ABHD17B: variants seen among roughly 807,000 people sequenced by gnomAD.
The protein encoded by ABHD17B is abhydrolase domain containing 17B, depalmitoylase.
A neutral mutation model predicts 26.2 loss-of-function variants in ABHD17B; 9 were observed. The ratio of observed to expected loss-of-function variants is 0.34; its 90% CI spans 0.21 to 0.60. The LOEUF is 0.60. Ranked by LOEUF, ABHD17B falls within the 20% of genes least tolerant of loss-of-function variation. The pLI is 0.80. For missense variants in ABHD17B, 224 were observed against 352.1 expected (o/e 0.64, Z 2.91); for synonymous variants, 127 against 122.3 (o/e 1.04, Z -0.25).
At chr9:71,890,682 A>T (rs898968535) in intron 1 of ABHD17B, among the ~76,000 whole-genome samples, 14 of 152,166 alleles carry the variant, frequency 9.2e-5, no homozygotes, top group Non-Finnish European at 1.9e-4. Flanking sequence ...CATTCTTGAT[A>T]CTCAATTACA....
intron 1 of ABHD17B, among the ~76,000 whole-genome samples, chr9:71,880,563 A>G (rs1826410155): frequency 6.6e-6 from 1 of 152,152 alleles, no homozygotes; most frequent in Non-Finnish European, 1.5e-5. Context: ...GAAAACCAAA[A>G]GAATCTAGAA....
chr9:71,905,750 C>T (rs1040482946), intron 1 of ABHD17B, among the ~76,000 whole-genome samples: 2 of 152,116 alleles, frequency 1.3e-5, no homozygotes, highest in South Asian at 2.1e-4. Flanking sequence ...TCAGATTGGG[C>T]GCAGTGGCTC....
downstream of ABHD17B, among the ~76,000 whole-genome samples, chr9:71,864,727 ATACCT>A (rs1825908182): frequency 6.6e-6 from 1 of 152,102 alleles, no homozygotes; most frequent in African/African-American, 2.4e-5. Context: ...ACCTGTTACA[ATACCT>A]TACAAATCTC....
chr9:71,904,998 A>G (rs541123505), intron 1 of ABHD17B, among the ~76,000 whole-genome samples: 2 of 152,232 alleles, frequency 1.3e-5, no homozygotes, highest in Non-Finnish European at 2.9e-5. Flanking sequence ...AAGAATTTTT[A>G]TAACCCCAGT....
At chr9:71,908,902 T>C (rs1171954090) in intron 1 of ABHD17B, among the ~76,000 whole-genome samples, 1 of 152,212 alleles carries the variant, frequency 6.6e-6, no homozygotes, top group Non-Finnish European at 1.5e-5. Context: ...TGGAGAAAAC[T>C]GACTCAGATG....
intron 3 of ABHD17B, among the ~76,000 whole-genome samples, chr9:71,868,913 T>G (rs1014862260): frequency 6.6e-6 from 1 of 152,162 alleles, no homozygotes; most frequent in Non-Finnish European, 1.5e-5. Context: ...GGTCTCGAAC[T>G]CTTGGCCTCA....
Position 71,910,776 on chromosome 9 carries a change from A to G in ABHD17B, c.-146T>C, listed in dbSNP as rs1827444317. On this transcript the variant is annotated 5_prime_UTR_variant, in exon 1 of 4. Transcript: ENST00000333421. ...CGCCTGCAGACTGGCCCGACAGAGG[A>G]GCGGGGACCAGGGCTACAGCCCCCG... 1 of 151,752 alleles carries G rather than the reference A, an allele frequency of 6.6e-6. No individual in the cohort carries two copies. The highest frequency in any genetic ancestry group is 6.6e-5 in the Admixed American group (1 of 15,260). The allele number at this position is 151,752 out of a possible 1,614,324, so 9.4% of individuals were successfully genotyped here.
chr9:71,867,091 C>A, intron 3 of ABHD17B, 85 bp from the exon 4 acceptor site: 2 of 1,443,378 alleles, frequency 1.4e-6, no homozygotes, highest in Non-Finnish European at 1.9e-6. Context: ...ACAGATAATT[C>A]AAATATGAGA....
chr9:71,895,068 T>C (rs1826915453), intron 1 of ABHD17B, among the ~76,000 whole-genome samples: 2 of 152,228 alleles, frequency 1.3e-5, no homozygotes, highest in South Asian at 4.1e-4. Context: ...AGTATTATTA[T>C]TGACTGGCAA....
chr9:71,869,995 G>T, intron 3 of ABHD17B, 88 bp downstream of exon 3: 4 of 1,202,890 alleles, frequency 3.3e-6, no homozygotes, highest in Admixed American at 2.4e-5. Context: ...GAAGTTTATG[G>T]TTGAGTGAAC....
intron 1 of ABHD17B, among the ~76,000 whole-genome samples, chr9:71,894,525 A>G (rs1826898699): frequency 6.6e-6 from 1 of 152,168 alleles, no homozygotes; most frequent in African/African-American, 2.4e-5. Context: ...AATTTTTAGA[A>G]GTTTTATCTT....
intron 1 of ABHD17B, among the ~76,000 whole-genome samples, chr9:71,907,506 T>C (rs1271291760): frequency 6.6e-6 from 1 of 152,008 alleles, no homozygotes; most frequent in Non-Finnish European, 1.5e-5. Flanking sequence ...TAAGGAAACC[T>C]CGTTTTTTGT....
At chr9:71,898,469 TA>T (rs1302487869) in intron 1 of ABHD17B, among the ~76,000 whole-genome samples, 1,807 of 104,996 alleles carry the variant, frequency 0.017, 20 homozygotes, top group African/African-American at 0.041. Flanking sequence ...CCATCTCTAC[TA>T]AAAAAAAAAA....
chr9:71,903,515 A>G (rs57714671), intron 1 of ABHD17B, among the ~76,000 whole-genome samples: 2,056 of 152,330 alleles, frequency 0.013, 33 homozygotes, highest in African/African-American at 0.035. Context: ...CAACTGCAAG[A>G]TGATACATAT....
At position 71,867,103 on chromosome 9, in the gene ABHD17B, T is replaced by C; in HGVS notation, c.648-97A>G. ...CAGACAGATAATTCAAATATGAGAA[T>C]TGTATGAATCAGTTCAGAAGGTAAG... is the stretch of plus-strand genomic sequence containing the variant. On this transcript the variant is annotated intron_variant, in intron 3 of 3. Transcript: ENST00000333421. The C allele has an allele frequency of 3.5e-6, 5 of 1,412,360 alleles. No individual in the cohort carries two copies. In the South Asian group the frequency reaches 3.9e-5, roughly 11 times the overall value. The allele number at this position is 1,412,360 out of a possible 1,614,324, so 87.5% of individuals were successfully genotyped here. A position where few individuals can be genotyped will look rare whatever the true frequency, so the allele number is the denominator to read the frequency against.
chr9:71,882,926 A>G (rs1056059963), intron 1 of ABHD17B, among the ~76,000 whole-genome samples: 4 of 152,024 alleles, frequency 2.6e-5, no homozygotes, highest in Admixed American at 2.0e-4. Context: ...TGGGCAGAAC[A>G]CGAGGTCAGG....
intron 1 of ABHD17B, among the ~76,000 whole-genome samples, chr9:71,895,126 T>C (rs1231531030): frequency 1.3e-5 from 2 of 152,246 alleles, no homozygotes; most frequent in African/African-American, 4.8e-5. Context: ...AAAGCCAGGC[T>C]AGTGTTAATT....
intron 1 of ABHD17B, among the ~76,000 whole-genome samples, chr9:71,890,043 T>C (rs1335934148): frequency 6.6e-6 from 1 of 151,962 alleles, no homozygotes; most frequent in Non-Finnish European, 1.5e-5. Flanking sequence ...GGTCGATCAC[T>C]TGAGGTCAGG....
rs552245251 is a variant in ABHD17B at position 71,867,388 on chromosome 9, C to T, written c.648-382G>A. Among the ~76,000 whole-genome samples, 11 of 152,260 alleles carry T rather than the reference C, an allele frequency of 7.2e-5. No individual in the cohort carries two copies. In the South Asian group the frequency reaches 2.1e-3, roughly 29 times the overall value. On this transcript the variant is annotated intron_variant, in intron 3 of 3. Coordinates refer to ENST00000333421, the MANE Select transcript of ABHD17B (RefSeq NM_001025780.3). ...TTTCTGCACTCACTATATTCTTTCT[C>T]CTAGTCTCCTACTAAAATGACAGCA...
Sources: allele counts gnomAD v4.1 joint callset (sites outside exome capture counted in the v4.1 genomes callset), GRCh38; gene constraint gnomAD v4.1.1; transcripts MANE v1.5; gene names NCBI Gene and HGNC (gene_info 2026-07-23, HGNC 2026-07-21).